APMAP: variants seen among roughly 807,000 people sequenced by gnomAD.
APMAP encodes the protein adipocyte plasma membrane associated protein, also known as adipocyte plasma membrane-associated protein.
Under a neutral mutation model 43.6 loss-of-function variants are expected in APMAP, and 33 were observed. The observed-to-expected ratio is 0.76, with a 90% CI of 0.57 to 1.01. The LOEUF is 1.01. Ranked by LOEUF, APMAP falls within the 50% of genes least tolerant of loss-of-function variation. The pLI is 0.00. For missense variants in APMAP, 498 were observed against 540.7 expected (o/e 0.92, Z 0.78); for synonymous variants, 224 against 216.7 (o/e 1.03, Z -0.30).
chr20:24,968,546 G>C (rs967642243), intron 8 of APMAP, among the ~76,000 whole-genome samples: 5 of 152,218 alleles, frequency 3.3e-5, no homozygotes, highest in Non-Finnish European at 7.3e-5. Flanking sequence ...AGCCATGGCA[G>C]ATGGAGGAGC....
intron 8 of APMAP, among the ~76,000 whole-genome samples, chr20:24,966,054 G>A (rs995727485): frequency 9.2e-5 from 14 of 152,176 alleles, no homozygotes; most frequent in African/African-American, 3.1e-4. Context: ...TGGGAGCAGC[G>A]ACACCCAAAG....
At chr20:24,969,476 C>A (rs756375649) in intron 7 of APMAP, 50 bp downstream of exon 7, 5 of 1,556,822 alleles carry the variant, frequency 3.2e-6, no homozygotes, top group Non-Finnish European at 3.5e-6. Context: ...CCACCCCGGC[C>A]ATGATGCGCT....
intron 3 of APMAP, among the ~76,000 whole-genome samples, chr20:24,976,548 G>A (rs976959553): frequency 2.6e-5 from 4 of 152,184 alleles, no homozygotes; most frequent in Non-Finnish European, 4.4e-5. Flanking sequence ...ACCAAATGCT[G>A]GCGAGGACAT....
chr20:24,965,444 G>A (rs903645956), intron 8 of APMAP, among the ~76,000 whole-genome samples: 1 of 152,256 alleles, frequency 6.6e-6, no homozygotes, highest in African/African-American at 2.4e-5. Flanking sequence ...GCATGGGGCT[G>A]AGCAGGGTAC....
intron 5 of APMAP, among the ~76,000 whole-genome samples, 178 bp from the exon 6 acceptor site, chr20:24,970,549 G>C (rs1278835029): frequency 1.3e-5 from 2 of 151,992 alleles, no homozygotes; most frequent in African/African-American, 4.8e-5. Flanking sequence ...GATTTTTTTA[G>C]ACTAATTTCA....
chr20:24,991,243 T>G (rs577079603), intron 1 of APMAP, among the ~76,000 whole-genome samples: 1 of 152,242 alleles, frequency 6.6e-6, no homozygotes, highest in Non-Finnish European at 1.5e-5. Context: ...TTTCAAGATT[T>G]CTGTAGGAAA....
rs376446699 is a variant in APMAP, at chr20:24,973,981, A to G, written c.329-244T>C. ...GAACCTGACTCAAAAGCAAGGGTGC[A>G]GCAGATACCAGTCAGTGATGAGAAC... On this transcript the variant is annotated intron_variant, in intron 3 of 8. Coordinates refer to ENST00000217456, the MANE Select transcript of APMAP (RefSeq NM_020531.3). Among the ~76,000 whole-genome samples, 19 of 152,384 alleles carry G rather than the reference A, an allele frequency of 1.2e-4. No homozygotes were observed. In the South Asian group the frequency reaches 3.5e-3, roughly 28 times the overall value.
intron 1 of APMAP, among the ~76,000 whole-genome samples, chr20:24,989,109 C>CT (rs1452575766): frequency 1.3e-5 from 2 of 151,236 alleles, no homozygotes; most frequent in African/African-American, 2.4e-5. Context: ...CCCTCTTACT[C>CT]TTTTTTTAAC....
At position 24,978,744 on chromosome 20, in the gene APMAP, C is replaced by CCT. The variant is rs757113762; in HGVS notation, c.328+22_328+23insAG. 6.5e-5 allele frequency: 85 copies of CCT among 1,311,062 alleles called. 2 individuals are homozygous for CCT. Among genetic ancestry groups the CCT allele is most frequent in the Non-Finnish European group, 9.0e-5 (84 of 930,176 alleles). 81.2% of individuals were successfully genotyped at this position (1,311,062 alleles called of 1,614,324 possible). Reference sequence around the variant, plus strand: ...ACAACAGACAGCCTGGAAGGCTCCCCCCCCACCCAAGCTTAGACTTACCCC... The same window carrying CCT: ...ACAACAGACAGCCTGGAAGGCTCCCCCTCCCCACCCAAGCTTAGACTTACCCC... On this transcript the variant is annotated intron_variant, in intron 3 of 8. Transcript: ENST00000217456.
intron 8 of APMAP, 23 bp downstream of exon 8, chr20:24,968,869 G>A (rs200241738): frequency 1.9e-6 from 3 of 1,550,232 alleles, no homozygotes; most frequent in African/African-American, 1.4e-5. Flanking sequence ...TTTCTTTCTT[G>A]GAATAACAGT....
rs113589394 is a variant in APMAP, at chr20:24,992,697, C to G, written c.-9G>C. On this transcript the variant is annotated 5_prime_UTR_variant, in exon 1 of 9. Transcript: ENST00000217456. ...CCGTCCGCCTCGCTCATGGTACGGGCGCCAGCCTCACCCGCAGAAACCACC... is the reference window on the plus strand; with the variant it reads ...CCGTCCGCCTCGCTCATGGTACGGGGGCCAGCCTCACCCGCAGAAACCACC... 9 of 1,509,066 alleles carry G rather than the reference C, an allele frequency of 6.0e-6. No homozygotes were observed. Among genetic ancestry groups the G allele is most frequent in the Admixed American group, 2.0e-5 (1 of 49,302 alleles). 93.5% of individuals were successfully genotyped at this position (1,509,066 alleles called of 1,614,324 possible).
Position 24,979,449 on chromosome 20 carries a change from G to A in APMAP, c.213-567C>T, listed in dbSNP as rs146058390. Among the ~76,000 whole-genome samples the A allele has an allele frequency of 3.3e-4, 50 of 152,240 alleles. 2 individuals carry two copies. The East Asian group carries it at 8.7e-3, about 26-fold the overall frequency. ...AAGCAGGAGCCTGAGCTGGGCCCTG[G>A]AGCCCTTCTACTCACAGACACGGCT... On this transcript the variant is annotated intron_variant, in intron 2 of 8. Transcript: ENST00000217456.
intron 3 of APMAP, among the ~76,000 whole-genome samples, chr20:24,975,719 A>G (rs757891487): frequency 1.3e-5 from 2 of 152,250 alleles, no homozygotes; most frequent in Non-Finnish European, 2.9e-5. Flanking sequence ...TATCCAATAC[A>G]ATATTGAAGG....
chr20:24,971,695 G>A, intron 4 of APMAP, 119 bp from the exon 5 acceptor site: 1 of 861,458 alleles, frequency 1.2e-6, no homozygotes, highest in Non-Finnish European at 1.9e-6. Flanking sequence ...AACAAGACAA[G>A]ACCATGGCAT....
intron 5 of APMAP, 62 bp downstream of exon 5, chr20:24,971,398 A>G (rs2087998277): frequency 7.2e-7 from 1 of 1,397,598 alleles, no homozygotes; most frequent in Non-Finnish European, 1.0e-6. Context: ...AAGTCTACAC[A>G]TACATATATT....
chr20:24,972,603 A>G (rs955103321), intron 4 of APMAP, among the ~76,000 whole-genome samples: 1 of 151,564 alleles, frequency 6.6e-6, no homozygotes, highest in Non-Finnish European at 1.5e-5. Flanking sequence ...CAGGGTGTTC[A>G]CTGTGGGGTG....
rs765418012 is a variant in APMAP at position 24,973,650 on chromosome 20, G to A, written c.416C>T (p.Pro139Leu). Residue 139 changes from proline (P) to leucine (L), a missense_variant, in exon 4 of 9, where the codon CCT becomes CTT. Physicochemically the swap from Pro to Leu is moderately conservative, Grantham distance 98 (BLOSUM62 -3). Transcript: ENST00000217456. ...IETIARFGSG[P>L]CKTRDDEPVC... is the part of the protein sequence containing the mutation. ...AGGGATTATCACCAACTTACTGCAA[G>A]GGCCCGAACCAAACCGGGCAATGGT... 3.0e-5 allele frequency: 49 copies of A among 1,613,476 alleles called. No individual in the cohort carries two copies. The highest frequency in any genetic ancestry group is 3.9e-5 in the Non-Finnish European group (46 of 1,179,492).
In APMAP at chr20:24,970,362, T is replaced by C; in HGVS notation, c.548A>G (p.Lys183Arg). ...FEVNPWKREV[K>R]LLLSSETPIE... ...GGGTGTCTCGGAGGACAGCAGCAGT[T>C]TCACTTCACCTGAAGTTTAAAAAGA... The change falls in exon 6 of 9, where the codon AAA becomes AGA. Residue 183 changes from lysine to arginine, a missense_variant. Transcript: ENST00000217456. 1 of 1,609,480 alleles carries C rather than the reference T, an allele frequency of 6.2e-7. No homozygotes were observed. Among genetic ancestry groups the C allele is most frequent in the South Asian group, 1.1e-5 (1 of 90,476 alleles).
In APMAP at chr20:24,963,867, G is replaced by A; in HGVS notation, c.1197C>T (p.Tyr399=). ...GGAAGGGGGACCTGAAAGAGCCCAG[G>A]TACAGGTGCCCATCGTGTTCGTGCA... is the stretch of plus-strand genomic sequence containing the variant. ...SEVHEHDGHL[Y]LGSFRSPFLC... The change falls in exon 9 of 9, where the codon TAC becomes TAT. Residue 399 remains tyrosine (Y), a synonymous_variant. Coordinates refer to ENST00000217456, the MANE Select transcript of APMAP (RefSeq NM_020531.3). 1.9e-6 allele frequency: 3 copies of A among 1,614,226 alleles called. No homozygotes were observed. The highest frequency in any genetic ancestry group is 3.3e-4 in the Middle Eastern group (2 of 6,062).
Sources: gnomAD v4.1 joint callset for allele counts (sites outside exome capture counted in the v4.1 genomes callset) on GRCh38, gnomAD v4.1.1 for gene constraint, MANE v1.5 for transcripts, NCBI Gene and HGNC (gene_info 2026-07-23, HGNC 2026-07-21) for gene names.